The following SEMA3A variants were observed in gnomAD, a reference collection of about 807,000 sequenced individuals.
SEMA3A encodes semaphorin 3A, also known as semaphorin-3A.
A neutral mutation model predicts 97.9 loss-of-function variants in SEMA3A; 29 were observed. The observed-to-expected ratio is 0.30, with a 90% CI of 0.22 to 0.40. The LOEUF (loss-of-function observed/expected upper bound fraction) is 0.40. Ranked by LOEUF, SEMA3A falls within the 10% of genes least tolerant of loss-of-function variation. SEMA3A has a pLI of 1.00. For missense variants in SEMA3A, 763 were observed against 951.3 expected (o/e 0.80, Z 2.60); for synonymous variants, 321 against 323.7 (o/e 0.99, Z 0.09).
rs113735009 is a variant in SEMA3A at position 84,276,782 on chromosome 7, C to T, written c.-83+30425G>A. ...AAGCATTTCATTTATTCTTTCTGAACACTGATCTCATTAACAAAATGGATT... is the reference window on the plus strand; with the variant it reads ...AAGCATTTCATTTATTCTTTCTGAATACTGATCTCATTAACAAAATGGATT... On this transcript the variant is annotated intron_variant, in intron 3 of 3. Coordinates refer to the SEMA3A transcript ENST00000424555. Among the ~76,000 whole-genome samples the T allele has an allele frequency of 3.3e-5, 5 of 152,144 alleles. 1 individual carries two copies. Among genetic ancestry groups the T allele is most frequent in the African/African-American group, 1.2e-4 (5 of 41,538 alleles).
intron 2 of SEMA3A, among the ~76,000 whole-genome samples, chr7:84,317,052 G>GT (rs1486215857): frequency 6.6e-6 from 1 of 151,886 alleles, no homozygotes; most frequent in African/African-American, 2.4e-5. Flanking sequence ...CCATATTAAC[G>GT]TGAGATTTGG....
intron 1 of SEMA3A, among the ~76,000 whole-genome samples, chr7:84,424,683 A>T (rs937632054): frequency 1.2e-5 from 1 of 85,572 alleles, no homozygotes; most frequent in Non-Finnish European, 1.9e-5. Context: ...TAATATATAA[A>T]TATATAATAT....
chr7:84,422,372 A>G (rs2428808), intron 1 of SEMA3A, among the ~76,000 whole-genome samples: 26,956 of 151,344 alleles, frequency 0.18, 2,526 homozygotes, highest in Middle Eastern at 0.24. Context: ...TATTCCTTTT[A>G]TCATTTTTTA....
intron 3 of SEMA3A, among the ~76,000 whole-genome samples, chr7:84,305,207 G>A (rs765425771): frequency 7.5e-5 from 11 of 146,976 alleles, no homozygotes; most frequent in Non-Finnish European, 1.6e-4. Context: ...CACTTGATAT[G>A]TTAACAATTC....
chr7:84,156,005 T>G (rs1796836099), intron 1 of SEMA3A, among the ~76,000 whole-genome samples: 1 of 152,150 alleles, frequency 6.6e-6, no homozygotes. Flanking sequence ...TAAAGTATGA[T>G]GTAATGTCTG....
At chr7:84,230,478 T>G (rs1799093249) in intron 3 of SEMA3A, among the ~76,000 whole-genome samples, 1 of 152,016 alleles carries the variant, frequency 6.6e-6, no homozygotes, top group African/African-American at 2.4e-5. Context: ...TTTAATATTA[T>G]GCTAAAGAAA....
intron 3 of SEMA3A, among the ~76,000 whole-genome samples, chr7:84,249,210 C>T (rs1183882861): frequency 2.6e-5 from 4 of 152,060 alleles, no homozygotes; most frequent in Middle Eastern, 3.2e-3. Flanking sequence ...TCTTCAAACC[C>T]GCCCCTCTAC....
intron 2 of SEMA3A, among the ~76,000 whole-genome samples, chr7:84,359,561 C>T (rs71459822): frequency 0.29 from 43,308 of 151,324 alleles, 6,649 homozygotes; most frequent in African/African-American, 0.38. Flanking sequence ...TTGAGGATTT[C>T]TGCATCGATG....
rs780479809 is a variant in SEMA3A, at chr7:83,956,717, T to A, written c.*4654A>T. 1 of 152,122 alleles carries A rather than the reference T, an allele frequency of 6.6e-6. No homozygotes were observed. The highest frequency in any genetic ancestry group is 2.4e-5 in the African/African-American group (1 of 41,454). The allele number at this position is 152,122 out of a possible 1,614,324, so 9.4% of individuals were successfully genotyped here. The stretch of plus-strand genomic sequence containing the variant: ...TAGTGGGACATTTAACTTTTCTTTA[T>A]GAAACCTGTGTTTTATCTGTTTGAA... On this transcript the variant is annotated 3_prime_UTR_variant, in exon 17 of 17. Coordinates refer to ENST00000265362, the MANE Select transcript of SEMA3A (RefSeq NM_006080.3).
intron 1 of SEMA3A, among the ~76,000 whole-genome samples, chr7:84,476,221 G>C (rs1184433181): frequency 6.6e-6 from 1 of 151,830 alleles, no homozygotes; most frequent in Non-Finnish European, 1.5e-5. Flanking sequence ...AGTCAGGCGT[G>C]GTGGCGTGCA....
At chr7:84,036,023 G>T (rs1001014650) in intron 6 of SEMA3A, among the ~76,000 whole-genome samples, 1 of 151,958 alleles carries the variant, frequency 6.6e-6, no homozygotes, top group Non-Finnish European at 1.5e-5. Context: ...CTTTCTAAGA[G>T]AAGACTGGGT....
Position 84,431,622 on chromosome 7 carries a change from G to T in SEMA3A, c.-245-59722C>A, listed in dbSNP as rs1562945949. On this transcript the variant is annotated intron_variant, in intron 1 of 3. Transcript: ENST00000424555. The stretch of plus-strand genomic sequence containing the variant: ...AAGCTACAGAAAATTAAAAATCAGA[G>T]TTTTTTTTTTAACAAGGCTACCTAT... Among the ~76,000 whole-genome samples the T allele has an allele frequency of 4.7e-5, 7 of 148,422 alleles. No homozygotes were observed. In the South Asian group the frequency reaches 1.3e-3, roughly 27 times the overall value.
intron 9 of SEMA3A, among the ~76,000 whole-genome samples, chr7:84,009,097 G>C (rs1194729277): frequency 6.6e-6 from 1 of 152,122 alleles, no homozygotes; most frequent in Non-Finnish European, 1.5e-5. Context: ...AACAACATGG[G>C]CATCACCTGG....
At chr7:84,466,196 G>A (rs984322115) in intron 1 of SEMA3A, among the ~76,000 whole-genome samples, 2 of 151,860 alleles carry the variant, frequency 1.3e-5, no homozygotes, top group Admixed American at 6.6e-5. Context: ...CTTTTGAGAC[G>A]GAGTTTTGCT....
At chr7:84,062,075 A>T (rs189899244) in intron 4 of SEMA3A, among the ~76,000 whole-genome samples, 1 of 152,326 alleles carries the variant, frequency 6.6e-6, no homozygotes, top group East Asian at 1.9e-4. Flanking sequence ...TGGAGGGTTA[A>T]ATAATTTATT....
rs1201589101 is a variant in SEMA3A, at chr7:84,312,907, TATATATATATATATAC to T, written c.-168-5631_-168-5616del. Reference sequence around the variant, plus strand: ...ATATATATATATATATATATATATATATATATATATATATACACACACACACACACACACACGTACA... The same window carrying T: ...ATATATATATATATATATATATATATACACACACACACACACACACGTACA... On this transcript the variant is annotated intron_variant, in intron 2 of 3. Transcript: ENST00000424555. Among the ~76,000 whole-genome samples the T allele has an allele frequency of 4.7e-3, 240 of 51,376 alleles. 3 individuals are homozygous for T. Among genetic ancestry groups the T allele is most frequent in the Middle Eastern group, 0.011 (1 of 88 alleles). The allele number at this position is 51,376 out of a possible 152,430, so 33.7% of individuals were successfully genotyped here.
intron 5 of SEMA3A, among the ~76,000 whole-genome samples, chr7:84,056,598 T>C (rs1792988372): frequency 6.7e-6 from 1 of 149,204 alleles, no homozygotes; most frequent in African/African-American, 2.5e-5. Context: ...AAAAAGAAAA[T>C]ACCCCCTCTA....
At chr7:84,439,984 T>A (rs1005035928) in intron 1 of SEMA3A, among the ~76,000 whole-genome samples, 2 of 152,210 alleles carry the variant, frequency 1.3e-5, no homozygotes, top group African/African-American at 4.8e-5. Context: ...TATTAGGCAC[T>A]ATACTTGATA....
chr7:84,239,932 T>C (rs1799319633), intron 3 of SEMA3A, among the ~76,000 whole-genome samples: 1 of 152,142 alleles, frequency 6.6e-6, no homozygotes, highest in African/African-American at 2.4e-5. Context: ...GATTAATATT[T>C]TCTATTATTT....
Sources: allele counts gnomAD v4.1 joint callset (sites outside exome capture counted in the v4.1 genomes callset), GRCh38; gene constraint gnomAD v4.1.1; transcripts MANE v1.5; gene names NCBI Gene and HGNC (gene_info 2026-07-23, HGNC 2026-07-21).